The following CTNNA2 variants were observed in gnomAD, a reference collection of about 807,000 sequenced individuals.
CTNNA2 encodes the protein catenin alpha 2, also known as catenin alpha-2.
A neutral mutation model predicts 101.0 loss-of-function variants in CTNNA2; 42 were observed. The observed-to-expected ratio is 0.42, with a 90% CI of 0.32 to 0.54. CTNNA2 has a LOEUF of 0.54. Ranked by LOEUF, CTNNA2 falls within the 20% of genes least tolerant of loss-of-function variation. The pLI, the probability that CTNNA2 is intolerant of heterozygous loss-of-function variation, is 0.14. For missense variants in CTNNA2, 871 were observed against 1,223.1 expected, an observed-to-expected ratio of 0.71 and a Z score of 4.29; for synonymous variants, 450 against 456.4, an observed-to-expected ratio of 0.99 and a Z score of 0.18.
intron 7 of CTNNA2, among the ~76,000 whole-genome samples, chr2:80,094,232 A>T (rs940820931): frequency 3.3e-5 from 5 of 152,124 alleles, no homozygotes; most frequent in Non-Finnish European, 7.4e-5. Context: ...ATGGCTAGCC[A>T]GTTTTCCCAG....
At chr2:80,214,928 C>T (rs1708159880) in intron 7 of CTNNA2, among the ~76,000 whole-genome samples, 1 of 152,176 alleles carries the variant, frequency 6.6e-6, no homozygotes. Context: ...TTCTTATAGT[C>T]CCATATTTCT....
chr2:80,338,379 T>G (rs1255813416), intron 7 of CTNNA2, among the ~76,000 whole-genome samples: 1 of 151,704 alleles, frequency 6.6e-6, no homozygotes, highest in Non-Finnish European at 1.5e-5. Flanking sequence ...TCTGGAAGTC[T>G]TTCTGTGGGA....
intron 7 of CTNNA2, among the ~76,000 whole-genome samples, chr2:80,146,145 G>A (rs548678150): frequency 6.6e-6 from 1 of 152,192 alleles, no homozygotes; most frequent in Non-Finnish European, 1.5e-5. Flanking sequence ...AGCCCTAGCT[G>A]TCTCTTCAAA....
chr2:80,100,061 C>T (rs1336593491), intron 7 of CTNNA2, among the ~76,000 whole-genome samples: 1 of 152,100 alleles, frequency 6.6e-6, no homozygotes, highest in East Asian at 1.9e-4. Context: ...TCCCAAGTAG[C>T]TGGGATTACA....
intron 7 of CTNNA2, among the ~76,000 whole-genome samples, chr2:80,206,234 T>C (rs905615643): frequency 3.9e-5 from 6 of 152,248 alleles, no homozygotes; most frequent in African/African-American, 1.4e-4. Flanking sequence ...TTCTTTAGAA[T>C]AGAATGTGTA....
intron 7 of CTNNA2, among the ~76,000 whole-genome samples, chr2:79,972,903 G>A (rs1690585306): frequency 6.6e-6 from 1 of 152,060 alleles, no homozygotes; most frequent in South Asian, 2.1e-4. Context: ...CATATCTTTG[G>A]AAAGCTTTTA....
intron 9 of CTNNA2, among the ~76,000 whole-genome samples, chr2:80,472,399 A>G (rs1685384726): frequency 6.6e-6 from 1 of 152,196 alleles, no homozygotes; most frequent in Non-Finnish European, 1.5e-5. Flanking sequence ...AAGGTGCCAC[A>G]TTACTCATTC....
chr2:79,538,936 A>G (rs1445376318), intron 1 of CTNNA2, among the ~76,000 whole-genome samples: 2 of 152,232 alleles, frequency 1.3e-5, no homozygotes, highest in Admixed American at 6.5e-5. Context: ...GTGAGGCCTT[A>G]TGAAGACCTG....
intron 1 of CTNNA2, among the ~76,000 whole-genome samples, chr2:79,524,440 C>T (rs1010441803): frequency 1.3e-5 from 2 of 151,266 alleles, no homozygotes; most frequent in African/African-American, 4.8e-5. Context: ...TGTTGAAATA[C>T]CTTATTGGTC....
At chr2:80,623,068 G>T (rs6756275) in intron 18 of CTNNA2, among the ~76,000 whole-genome samples, 6,977 of 105,974 alleles carry the variant, frequency 0.066, 559 homozygotes, top group African/African-American at 0.2. Context: ...AAAAAAAAAA[G>T]TTCAAGCAGA....
intron 3 of CTNNA2, among the ~76,000 whole-genome samples, chr2:79,317,846 G>GA (rs1179104950): frequency 2.0e-5 from 3 of 151,812 alleles, no homozygotes; most frequent in South Asian, 2.1e-4. Flanking sequence ...AAAAATGAAT[G>GA]AAAAAACATT....
chr2:80,569,290 A>G (rs965131006), intron 12 of CTNNA2, among the ~76,000 whole-genome samples: 1 of 152,152 alleles, frequency 6.6e-6, no homozygotes, highest in Non-Finnish European at 1.5e-5. Context: ...TCCTAGGGAT[A>G]TCATCGTTTT....
intron 2 of CTNNA2, among the ~76,000 whole-genome samples, chr2:79,260,231 C>T (rs1043463483): frequency 6.6e-6 from 1 of 152,126 alleles, no homozygotes; most frequent in Non-Finnish European, 1.5e-5. Context: ...TTACTATCAG[C>T]TCAAGGAAGT....
intron 4 of CTNNA2, among the ~76,000 whole-genome samples, chr2:79,447,453 A>G (rs189178877): frequency 9.9e-5 from 15 of 152,218 alleles, no homozygotes; most frequent in Admixed American, 5.2e-4. Context: ...AGATAGTAAG[A>G]CAGTGAATAC....
chr2:79,827,352 A>G (rs1306543559), intron 3 of CTNNA2, among the ~76,000 whole-genome samples: 2 of 152,182 alleles, frequency 1.3e-5, no homozygotes, highest in Non-Finnish European at 2.9e-5. Context: ...TGTAATTTTT[A>G]AAAGGCAAAT....
At chr2:80,486,968 G>C (rs139301704) in intron 9 of CTNNA2, among the ~76,000 whole-genome samples, 1 of 152,068 alleles carries the variant, frequency 6.6e-6, no homozygotes, top group African/African-American at 2.4e-5. Context: ...TGCACATGTA[G>C]CTCTGACATA....
At chr2:79,731,564 T>C (rs1687196666) in intron 2 of CTNNA2, among the ~76,000 whole-genome samples, 1 of 152,042 alleles carries the variant, frequency 6.6e-6, no homozygotes, top group Non-Finnish European at 1.5e-5. Context: ...CGCTTACATG[T>C]TGGGTTTTGC....
chr2:79,736,382 T>C (rs1670879182), intron 2 of CTNNA2, among the ~76,000 whole-genome samples: 1 of 152,220 alleles, frequency 6.6e-6, no homozygotes, highest in Non-Finnish European at 1.5e-5. Flanking sequence ...AAGAATAATT[T>C]AAGAAAAACA....
chr2:79,825,239 G>A (rs1294374252), intron 3 of CTNNA2, among the ~76,000 whole-genome samples: 2 of 152,120 alleles, frequency 1.3e-5, no homozygotes, highest in Non-Finnish European at 2.9e-5. Flanking sequence ...AGATAGAATG[G>A]AACATAGTGC....
Sources: gnomAD v4.1 joint callset for allele counts (sites outside exome capture counted in the v4.1 genomes callset) on GRCh38, gnomAD v4.1.1 for gene constraint, MANE v1.5 for transcripts, NCBI Gene and HGNC (gene_info 2026-07-23, HGNC 2026-07-21) for gene names.